TMEM225: variants seen among roughly 807,000 people sequenced by gnomAD.
TMEM225 encodes PMP22 claudin domain-containing protein.
A neutral mutation model predicts 17.6 loss-of-function variants in TMEM225; 10 were observed. That is an observed-to-expected ratio of 0.57 (90% CI 0.35 to 0.96). TMEM225 has a LOEUF of 0.96. Ranked by LOEUF, TMEM225 falls within the 40% of genes least tolerant of loss-of-function variation. The probability of loss-of-function intolerance (pLI) is 0.02; values close to 1 mark genes in which losing one functional copy is unlikely to be tolerated. For synonymous variants in TMEM225, 101 were observed against 94.5 expected (o/e 1.07, Z -0.40); for missense variants, 245 against 271.5 (o/e 0.90, Z 0.69).
intron 1 of TMEM225, 93 bp from the exon 2 acceptor site, chr11:123,884,729 A>C (rs1184617203): frequency 1.6e-6 from 2 of 1,223,618 alleles, no homozygotes; most frequent in Non-Finnish European, 2.3e-6. Context: ...GAAAATTGGA[A>C]TAGGGTGAAA....
chr11:123,884,920 A>G (rs1325731391), intron 1 of TMEM225, among the ~76,000 whole-genome samples: 2 of 152,144 alleles, frequency 1.3e-5, no homozygotes, highest in East Asian at 3.9e-4. Context: ...TCTAGTGGCA[A>G]TACAGATTAC....
intron 3 of TMEM225, 29 bp from the exon 4 acceptor site, chr11:123,883,381 A>T (rs184241612): frequency 2.6e-6 from 4 of 1,515,288 alleles, no homozygotes; most frequent in East Asian, 4.5e-5. Context: ...AGGGAGTGGG[A>T]TGAAGGGACA....
Position 123,884,086 on chromosome 11 carries a change from A to G in TMEM225, c.452T>C (p.Leu151Ser). 2 of 1,610,196 alleles carry G rather than the reference A, an allele frequency of 1.2e-6. No individual in the cohort carries two copies. Among genetic ancestry groups the G allele is most frequent in the Non-Finnish European group, 1.7e-6 (2 of 1,178,372 alleles). The stretch of plus-strand genomic sequence containing the variant: ...CTGGAGACACTCACCACAGACAGAC[A>G]AGAAGAAAACATTTAAGTAAGCAGT... ...MYTAYLNVFF[L>S]SVCGVLSLLE... Residue 151 changes from leucine (L) to serine (S), a missense_variant, in exon 3 of 4, where the codon TTG (leucine) becomes TCG (serine). By Grantham distance (145) the Leu-to-Ser change is moderately radical. Coordinates refer to ENST00000375026, the MANE Select transcript of TMEM225 (RefSeq NM_001013743.3).
Position 123,884,077 on chromosome 11 carries a change from C to T in TMEM225, c.461G>A (p.Cys154Tyr), listed in dbSNP as rs771623038. Residue 154 changes from cysteine to tyrosine, a missense_variant and splice_region_variant, in exon 3 of 4, where the codon TGT becomes TAT. By Grantham distance (194) the Cys-to-Tyr change is radical. Transcript: ENST00000375026. Reference protein sequence around the residue: ...AYLNVFFLSVCGVLSLLECKL... With the variant: ...AYLNVFFLSVYGVLSLLECKL... ...TCAGGGGCCCTGGAGACACTCACCA[C>T]AGACAGACAAGAAGAAAACATTTAA... 5.6e-6 allele frequency: 9 copies of T among 1,607,574 alleles called. No homozygotes were observed. The African/African-American group carries it at 1.2e-4, about 22-fold the overall frequency.
In TMEM225 at chr11:123,883,176, T is replaced by C; in HGVS notation, c.640A>G (p.Lys214Glu). ...GTTACGTGACGTGTTTGGACTTTTT[T>C]GTTTAGGGAATTCACAGTGTGTGCA... The part of the protein sequence containing the change: ...VRAHTVNSLN[K>E]KVQTRHVTWA... The change falls in exon 4 of 4, where the codon AAA (lysine) becomes GAA (glutamate). Residue 214 changes from lysine (K) to glutamate (E), a missense_variant. Lys to Glu is a moderately conservative substitution (Grantham distance 56, BLOSUM62 1). Coordinates refer to ENST00000375026, the MANE Select transcript of TMEM225 (RefSeq NM_001013743.3). The C allele has an allele frequency of 6.2e-7, 1 of 1,613,504 alleles. No homozygotes were observed. The highest frequency in any genetic ancestry group is 8.5e-7 in the Non-Finnish European group (1 of 1,179,596).
rs777400608 is a variant in TMEM225 at position 123,884,629 on chromosome 11, C to T, written c.189G>A (p.Leu63=). Residue 63 remains leucine, a synonymous_variant, in exon 2 of 4, where the codon CTG becomes CTA. Transcript: ENST00000375026. ...CCPALWPEDD[L]KVVRIMMTSS... ...ACGTCATCATAATCCTGACCACTTT[C>T]AGGTCATCTGTTGGAAAGCAAAAGC... 6.2e-7 allele frequency: 1 copy of T among 1,610,276 alleles called. No homozygotes were observed. The highest frequency in any genetic ancestry group is 1.1e-5 in the South Asian group (1 of 90,330).
rs1035509901 is a variant in TMEM225, at chr11:123,885,396, C to G, written c.30G>C (p.Gln10His). Reference protein sequence around the residue: MVHVSNRSIQGMNILFSSWA... With the variant: MVHVSNRSIHGMNILFSSWA... ...AGGAGGAGAAAAGTATGTTCATACC[C>G]TGGATACTTCTATTTGAAACATGCA... The change falls in exon 1 of 4, where the codon CAG (glutamine) becomes CAC (histidine). Residue 10 changes from glutamine to histidine, a missense_variant. Transcript: ENST00000375026. 1.9e-6 allele frequency: 3 copies of G among 1,612,826 alleles called. No individual in the cohort carries two copies. Among genetic ancestry groups the G allele is most frequent in the African/African-American group, 2.7e-5 (2 of 74,850 alleles).
Position 123,883,366 on chromosome 11 carries a change from A to T in TMEM225, c.464-14T>A, listed in dbSNP as rs4587739. 537,801 of 1,585,900 alleles carry T rather than the reference A, an allele frequency of 0.34. 93,533 individuals carry two copies. Among genetic ancestry groups the T allele is most frequent in the Admixed American group, 0.51 (30,168 of 59,706 alleles). On this transcript the variant is annotated splice_polypyrimidine_tract_variant and intron_variant, in intron 3 of 3. Coordinates refer to ENST00000375026, the MANE Select transcript of TMEM225 (RefSeq NM_001013743.3). ...GAGAGAGGACTCCTAGGGAAAAGAG[A>T]TTCCAGGGAGTGGGATGAAGGGACA...
intron 3 of TMEM225, 30 bp downstream of exon 3, chr11:123,884,045 A>G (rs1459500118): frequency 6.3e-7 from 1 of 1,582,838 alleles, no homozygotes; most frequent in African/African-American, 1.4e-5. Flanking sequence ...TTGGTTCTTA[A>G]CACCCTTCAG....
In TMEM225 at chr11:123,882,962, T is replaced by C. The variant is rs1343794657; in HGVS notation, c.*176A>G. On this transcript the variant is annotated 3_prime_UTR_variant, in exon 4 of 4. Transcript: ENST00000375026. ...TATTTATTATATTAACAACAAATGT[T>C]GCAGAAGAAACTATTCGTTCAGCAG... The C allele has an allele frequency of 1.3e-5, 6 of 478,304 alleles. No homozygotes were observed. The South Asian group carries it at 2.6e-4, about 21-fold the overall frequency. The allele number at this position is 478,304 out of a possible 1,614,324, so 29.6% of individuals were successfully genotyped here.
At chr11:123,884,398 C>CAG in intron 2 of TMEM225, 92 bp downstream of exon 2, 1 of 1,209,374 alleles carries the variant, frequency 8.3e-7, no homozygotes, top group Non-Finnish European at 1.1e-6. Flanking sequence ...TCAGAAGCTA[C>CAG]ATATATATAT....
At chr11:123,883,968 A>C in intron 3 of TMEM225, 107 bp downstream of exon 3, 1 of 1,265,662 alleles carries the variant, frequency 7.9e-7, no homozygotes. Context: ...GCAGCCTTTT[A>C]AAATGCAAGG....
Position 123,885,431 on chromosome 11 carries a change from G to T in TMEM225, c.-6C>A. 1 of 1,607,020 alleles carries T rather than the reference G, an allele frequency of 6.2e-7. No individual in the cohort carries two copies. Among genetic ancestry groups the T allele is most frequent in the Non-Finnish European group, 8.5e-7 (1 of 1,176,742 alleles). ...CTATTTGAAACATGCACCATTGTGA[G>T]TGAAAATTTCTAGCTGGAACCACCA... On this transcript the variant is annotated 5_prime_UTR_variant, in exon 1 of 4. Transcript: ENST00000375026.
At chr11:123,884,023 G>C in intron 3 of TMEM225, 52 bp downstream of exon 3, 7 of 1,533,052 alleles carry the variant, frequency 4.6e-6, no homozygotes, top group Non-Finnish European at 5.2e-6. Flanking sequence ...CCTTCCCTCT[G>C]TCGGGGATGG....
Position 123,885,467 on chromosome 11 carries a change from G to A in TMEM225, c.-42C>T. 6.4e-7 allele frequency: 1 copy of A among 1,566,224 alleles called. No homozygotes were observed. ...TAGCTGGAACCACCACCACTATTTT[G>A]TAGATCTCTTCCTTGATTTGATTAG... is the stretch of plus-strand genomic sequence containing the variant. On this transcript the variant is annotated 5_prime_UTR_variant, in exon 1 of 4. Coordinates refer to ENST00000375026, the MANE Select transcript of TMEM225 (RefSeq NM_001013743.3).
At chr11:123,884,716 G>A in intron 1 of TMEM225, 80 bp from the exon 2 acceptor site, 5 of 1,358,720 alleles carry the variant, frequency 3.7e-6, no homozygotes, top group East Asian at 2.4e-5. Context: ...GAAGTCTCTA[G>A]GTGAAAATTG....
chr11:123,883,497 G>A (rs7121426), intron 3 of TMEM225, 145 bp from the exon 4 acceptor site: 271,920 of 619,536 alleles, frequency 0.44, 60,950 homozygotes, highest in East Asian at 0.55. Flanking sequence ...GAATGCTTTA[G>A]TGGAAGAAAC....
At chr11:123,883,906 C>T (rs545490782) in intron 3 of TMEM225, among the ~76,000 whole-genome samples, 169 bp downstream of exon 3, 1 of 152,086 alleles carries the variant, frequency 6.6e-6, no homozygotes, top group African/African-American at 2.4e-5. Flanking sequence ...ATAGGCCTGA[C>T]CTCCCACTCT....
chr11:123,884,217 C>CAA lies in TMEM225; in HGVS notation c.329-9_329-8insTT. On this transcript the variant is annotated splice_polypyrimidine_tract_variant and intron_variant, in intron 2 of 3. Transcript: ENST00000375026. ...CCCAGAGCAGAGAGATACCTGATGTCCAGACAAAAAAAAAAAAAAAAAAAG... is the reference window on the plus strand; with the variant it reads ...CCCAGAGCAGAGAGATACCTGATGTCAACAGACAAAAAAAAAAAAAAAAAAAG... 1 of 1,382,692 alleles carries CAA rather than the reference C, an allele frequency of 7.2e-7. No individual in the cohort carries two copies. The highest frequency in any genetic ancestry group is 9.4e-7 in the Non-Finnish European group (1 of 1,064,688). 85.7% of individuals were successfully genotyped at this position (1,382,692 alleles called of 1,614,324 possible). A position where few individuals can be genotyped will look rare whatever the true frequency, so the allele number is the denominator to read the frequency against.
Sources: gnomAD v4.1 joint callset for allele counts (sites outside exome capture counted in the v4.1 genomes callset) on GRCh38, gnomAD v4.1.1 for gene constraint, MANE v1.5 for transcripts, NCBI Gene and HGNC (gene_info 2026-07-23, HGNC 2026-07-21) for gene names.